ZFPM1: variants seen among roughly 807,000 people sequenced by gnomAD.
The protein encoded by ZFPM1 is zinc finger protein, FOG family member 1.
ZFPM1 carries 28 observed loss-of-function variants against 46.3 expected under a neutral mutation model. The ratio of observed to expected loss-of-function variants is 0.60; its 90% confidence interval spans 0.45 to 0.83. The LOEUF (loss-of-function observed/expected upper bound fraction) is 0.83. Ranked by LOEUF, ZFPM1 falls within the 40% of genes least tolerant of loss-of-function variation. The probability of loss-of-function intolerance (pLI) is 0.00; values close to 1 mark genes in which losing one functional copy is unlikely to be tolerated. For missense variants in ZFPM1, 1,878 were observed against 1,432.4 expected (o/e 1.31, Z -5.02); for synonymous variants, 957 against 675.9 (o/e 1.42, Z -6.45).
At chr16:88,464,259 G>A (rs535734062) in intron 1 of ZFPM1, among the ~76,000 whole-genome samples, 4 of 152,280 alleles carry the variant, frequency 2.6e-5, no homozygotes, top group African/African-American at 9.6e-5. Flanking sequence ...CGTGCCTAAG[G>A]TTGAGACCCA....
chr16:88,496,824 C>T (rs1909957483), intron 3 of ZFPM1, among the ~76,000 whole-genome samples: 1 of 152,178 alleles, frequency 6.6e-6, no homozygotes, highest in Admixed American at 6.5e-5. Flanking sequence ...CAGGGTCTCT[C>T]ACGTCTGGCA....
In ZFPM1 at chr16:88,469,603, C is replaced by T. The variant is rs931978272; in HGVS notation, c.40+15925C>T. Among the ~76,000 whole-genome samples the T allele has an allele frequency of 2.6e-5, 4 of 152,236 alleles. No homozygotes were observed. Among genetic ancestry groups the T allele is most frequent in the Non-Finnish European group, 5.9e-5 (4 of 68,052 alleles). On this transcript the variant is annotated intron_variant, in intron 1 of 9. Transcript: ENST00000319555. The surrounding 1 kb of genome is among the most constrained non-coding windows in gnomAD (Gnocchi z 4.3). ...CACCTGTGTTCTGCATCCACCCACACTGCACAGTGGGTCTTGCTGGCAAGA... is the reference window on the plus strand; with the variant it reads ...CACCTGTGTTCTGCATCCACCCACATTGCACAGTGGGTCTTGCTGGCAAGA...
chr16:88,489,766 G>A (rs971934609), intron 3 of ZFPM1, among the ~76,000 whole-genome samples: 2 of 152,250 alleles, frequency 1.3e-5, no homozygotes, highest in Admixed American at 1.3e-4. Flanking sequence ...TCTCCCTGTG[G>A]CCCCTTCGGG....
At chr16:88,486,247 C>T (rs535223868) in intron 2 of ZFPM1, among the ~76,000 whole-genome samples, 48 of 152,344 alleles carry the variant, frequency 3.2e-4, no homozygotes, top group African/African-American at 1.1e-3. Flanking sequence ...GAGATGTGCA[C>T]ACCTGCTGCA....
intron 4 of ZFPM1, among the ~76,000 whole-genome samples, chr16:88,525,823 C>T (rs1008727483): frequency 1.3e-5 from 2 of 152,254 alleles, no homozygotes; most frequent in Admixed American, 6.5e-5. Flanking sequence ...GGGCCCCTCG[C>T]ATTTCCTCTG....
intron 3 of ZFPM1, among the ~76,000 whole-genome samples, chr16:88,506,723 C>T (rs1181090946): frequency 6.6e-6 from 1 of 152,092 alleles, no homozygotes; most frequent in African/African-American, 2.4e-5. Context: ...CTCTCCCAGA[C>T]CCAGCCCTCC....
In ZFPM1 at chr16:88,489,053, G is replaced by A. The variant is rs143143828; in HGVS notation, c.168G>A (p.Leu56=). ...PSADVNSPPP[L]PPPTSPGGPK... Reference sequence around the variant, plus strand: ...CAGATGTTAACTCACCCCCACCGCTGCCGCCCCCCACATCCCCAGGAGGCC... The same window carrying A: ...CAGATGTTAACTCACCCCCACCGCTACCGCCCCCCACATCCCCAGGAGGCC... Residue 56 remains leucine (L), a synonymous_variant, in exon 3 of 10, where the codon CTG becomes CTA. Transcript: ENST00000319555. The A allele has an allele frequency of 2.2e-4, 349 of 1,612,998 alleles. No individual in the cohort carries two copies. The African/African-American group carries it at 4.1e-3, about 19-fold the overall frequency.
rs775248764 is a variant in ZFPM1 at position 88,534,120 on chromosome 16, C to T, written c.2162C>T (p.Pro721Leu). 3.6e-6 allele frequency: 4 copies of T among 1,114,710 alleles called. No individual in the cohort carries two copies. The South Asian group carries it at 7.9e-5, about 22-fold the overall frequency. The allele number at this position is 1,114,710 out of a possible 1,614,324, so 69.1% of individuals were successfully genotyped here. ...CCGCCGCGCCGACCGGCCGCGCCCC[C>T]GGGACCCCCTGGGCCGGCCGCGCCC... ...DPPPRRPAAP[P>L]GPPGPAAPPA... Residue 721 changes from proline to leucine, a missense_variant, in exon 10 of 10, where the codon CCG (proline) becomes CTG (leucine). Coordinates refer to ENST00000319555, the MANE Select transcript of ZFPM1 (RefSeq NM_153813.3).
In ZFPM1 at chr16:88,535,056, A is replaced by G; in HGVS notation, c.*77A>G. 1 of 1,338,412 alleles carries G rather than the reference A, an allele frequency of 7.5e-7. No individual in the cohort carries two copies. Among genetic ancestry groups the G allele is most frequent in the Middle Eastern group, 2.0e-4 (1 of 4,888 alleles). The allele number at this position is 1,338,412 out of a possible 1,614,324, so 82.9% of individuals were successfully genotyped here. A position where few individuals can be genotyped will look rare whatever the true frequency, so the allele number is the denominator to read the frequency against. ...AGGGGGCCGCCCCCAGGCCGCACGG[A>G]CTGCCGCTCCTGGGAACCCCGCCAC... On this transcript the variant is annotated 3_prime_UTR_variant, in exon 10 of 10. Coordinates refer to ENST00000319555, the MANE Select transcript of ZFPM1 (RefSeq NM_153813.3).
At chr16:88,504,035 G>A (rs1910521167) in intron 3 of ZFPM1, among the ~76,000 whole-genome samples, 1 of 152,078 alleles carries the variant, frequency 6.6e-6, no homozygotes, top group South Asian at 2.1e-4. Flanking sequence ...GGGGGTGGGT[G>A]CCTGCCAGGC....
Position 88,532,250 on chromosome 16 carries a change from C to G in ZFPM1, c.946+15C>G, listed in dbSNP as rs771942831. On this transcript the variant is annotated intron_variant, in intron 7 of 9. Coordinates refer to ENST00000319555, the MANE Select transcript of ZFPM1 (RefSeq NM_153813.3). Reference sequence around the variant, plus strand: ...CAGCCACAGCGGTGAGCCCCCACCCCGGACGCGGGTCCTCAGGATGCCGGC... The same window carrying G: ...CAGCCACAGCGGTGAGCCCCCACCCGGGACGCGGGTCCTCAGGATGCCGGC... 1.3e-6 allele frequency: 2 copies of G among 1,576,704 alleles called. No individual in the cohort carries two copies. The highest frequency in any genetic ancestry group is 1.8e-5 in the Admixed American group (1 of 55,646).
intron 1 of ZFPM1, among the ~76,000 whole-genome samples, chr16:88,457,637 C>CT (rs1039873898): frequency 2.6e-4 from 39 of 150,338 alleles, no homozygotes; most frequent in Middle Eastern, 3.4e-3. Context: ...CTTTCTCTCT[C>CT]TTTTTTTTTT....
chr16:88,505,205 C>T (rs893210654), intron 3 of ZFPM1, among the ~76,000 whole-genome samples: 3 of 152,216 alleles, frequency 2.0e-5, no homozygotes, highest in Non-Finnish European at 4.4e-5. Context: ...CTACAGTGGA[C>T]GCCAGGCCCA....
At chr16:88,472,541 A>T (rs1463068036) in intron 1 of ZFPM1, among the ~76,000 whole-genome samples, 3 of 151,390 alleles carry the variant, frequency 2.0e-5, no homozygotes, top group Non-Finnish European at 4.4e-5. Context: ...TTTAGTAGAG[A>T]CGGGGTTTCA....
chr16:88,498,167 C>T (rs960995756), intron 3 of ZFPM1, among the ~76,000 whole-genome samples: 1 of 151,946 alleles, frequency 6.6e-6, no homozygotes, highest in Admixed American at 6.5e-5. Flanking sequence ...TCTGGCTGTC[C>T]TGGGGAACAC....
chr16:88,494,110 T>C (rs1909787059), intron 3 of ZFPM1, among the ~76,000 whole-genome samples: 1 of 151,980 alleles, frequency 6.6e-6, no homozygotes. Flanking sequence ...TGGAGTCACT[T>C]CCCAGACCTC....
chr16:88,523,333 C>A (rs1912047803), intron 4 of ZFPM1, among the ~76,000 whole-genome samples: 1 of 152,118 alleles, frequency 6.6e-6, no homozygotes, highest in African/African-American at 2.4e-5. Context: ...GGTGGGGAAA[C>A]AAGAAGAGAC....
chr16:88,529,999 G>A (rs913726113), intron 6 of ZFPM1, among the ~76,000 whole-genome samples: 8 of 152,204 alleles, frequency 5.3e-5, no homozygotes, highest in Admixed American at 2.6e-4. Context: ...GGAGCCAGGA[G>A]GTCAGAAGAG....
intron 3 of ZFPM1, among the ~76,000 whole-genome samples, chr16:88,495,814 C>CGTCT (rs1318835121): frequency 6.6e-6 from 1 of 152,134 alleles, no homozygotes; most frequent in East Asian, 1.9e-4. Context: ...CACCAGGAGG[C>CGTCT]GTCTCGGGGC....
Sources: allele counts gnomAD v4.1 joint callset (sites outside exome capture counted in the v4.1 genomes callset), GRCh38; gene constraint gnomAD v4.1.1; non-coding constraint Gnocchi (gnomAD v3.1); transcripts MANE v1.5; gene names NCBI Gene and HGNC (gene_info 2026-07-23, HGNC 2026-07-21).